Variants in LGI1 observed in about 807,000 individuals in gnomAD.
LGI1 encodes the protein leucine rich glioma inactivated 1.
Under a neutral mutation model 57.7 loss-of-function variants are expected in LGI1, and 11 were observed. The ratio of observed to expected loss-of-function variants is 0.19; its 90% confidence interval spans 0.12 to 0.32. The LOEUF is 0.32. Among genes scored for constraint, LGI1 ranks in the 10% least tolerant of loss-of-function variants. The probability of loss-of-function intolerance (pLI) is 1.00; values close to 1 mark genes in which losing one functional copy is unlikely to be tolerated. For missense variants in LGI1, 422 were observed against 661.9 expected (o/e 0.64, Z 3.98); for synonymous variants, 222 against 241.9 (o/e 0.92, Z 0.76).
At chr10:93,788,861 TTTA>T (rs2059911323) in intron 4 of LGI1, 1 of 152,192 alleles carries the variant, frequency 6.6e-6, no homozygotes, top group African/African-American at 2.4e-5. Flanking sequence ...TTTTCAAGGG[TTTA>T]GAGGCTAATG....
chr10:93,789,764 C>T lies in LGI1; in HGVS notation c.432-335C>T, dbSNP rs73314769. 1.4e-3 allele frequency: 345 copies of T among 244,138 alleles called. 1 individual carries two copies. Among genetic ancestry groups the T allele is most frequent in the African/African-American group, 7.1e-3 (313 of 44,088 alleles). 15.1% of individuals were successfully genotyped at this position (244,138 alleles called of 1,614,324 possible). On this transcript the variant is annotated intron_variant, in intron 4 of 7. Transcript: ENST00000371418. The stretch of plus-strand genomic sequence containing the variant: ...TGGCGGGCACATGTAATCCCAGCTA[C>T]GGCAGGCTAAGGCAGGAAAATCACT...
At chr10:93,773,888 C>T (rs981111285) in intron 2 of LGI1, among the ~76,000 whole-genome samples, 4 of 152,308 alleles carry the variant, frequency 2.6e-5, no homozygotes, top group East Asian at 1.9e-4. Flanking sequence ...CACAAACCCA[C>T]GGGCTGGCTG....
chr10:93,792,858 A>G lies in LGI1; in HGVS notation c.619A>G (p.Lys207Glu). ...CTACTGCGAAGGCCCCCCAGAATAC[A>G]AGAAGCGCAAAATCAATAGTCTCTC... ...DIYCEGPPEYKKRKINSLSSK... is the reference protein window; with the variant it reads ...DIYCEGPPEYEKRKINSLSSK... The change falls in exon 6 of 8, where the codon AAG becomes GAG. Residue 207 changes from lysine (K) to glutamate (E), a missense_variant. Transcript: ENST00000371418. 6.2e-7 allele frequency: 1 copy of G among 1,614,154 alleles called. No homozygotes were observed. The highest frequency in any genetic ancestry group is 8.5e-7 in the Non-Finnish European group (1 of 1,180,012).
At position 93,765,902 on chromosome 10, in the gene LGI1, G is replaced by A. The variant is rs548146328; in HGVS notation, c.287+7071G>A. On this transcript the variant is annotated intron_variant, in intron 2 of 7. Coordinates refer to ENST00000371418, the MANE Select transcript of LGI1 (RefSeq NM_005097.4). ...GGAGAATGGCGTGAACCCAGGAGGC[G>A]GAGCTTGCAGTGAGCCGAGATCGCG... is the stretch of plus-strand genomic sequence containing the variant. Among the ~76,000 whole-genome samples, 620 of 150,996 alleles carry A rather than the reference G, an allele frequency of 4.1e-3. 4 individuals carry two copies. The highest frequency in any genetic ancestry group is 0.014 in the African/African-American group (591 of 41,030).
At chr10:93,783,692 C>A (rs2059869985) in intron 4 of LGI1, among the ~76,000 whole-genome samples, 1 of 152,202 alleles carries the variant, frequency 6.6e-6, no homozygotes, top group Non-Finnish European at 1.5e-5. Flanking sequence ...TCTACTCCAG[C>A]CTGCCTCATT....
At position 93,759,024 on chromosome 10, in the gene LGI1, A is replaced by G. The variant is rs138096571; in HGVS notation, c.287+193A>G. On this transcript the variant is annotated intron_variant, in intron 2 of 7. Coordinates refer to ENST00000371418, the MANE Select transcript of LGI1 (RefSeq NM_005097.4). Reference sequence around the variant, plus strand: ...AGTGCAGGTTGATTCTTACAATGGTAAATCTGTTAACCTGTCATGCTGTCT... The same window carrying G: ...AGTGCAGGTTGATTCTTACAATGGTGAATCTGTTAACCTGTCATGCTGTCT... 9.3e-3 allele frequency: 5,609 copies of G among 602,334 alleles called. 34 individuals are homozygous for G. Among genetic ancestry groups the G allele is most frequent in the Middle Eastern group, 0.013 (30 of 2,236 alleles). The allele number at this position is 602,334 out of a possible 1,614,324, so 37.3% of individuals were successfully genotyped here. A position where few individuals can be genotyped will look rare whatever the true frequency, so the allele number is the denominator to read the frequency against.
At chr10:93,777,691 A>G in intron 4 of LGI1, 74 bp downstream of exon 4, 1 of 1,172,108 alleles carries the variant, frequency 8.5e-7, no homozygotes, top group Non-Finnish European at 1.3e-6. Context: ...TGGTTAATGC[A>G]CCTACTTTAT....
chr10:93,792,657 C>A, intron 5 of LGI1, 86 bp from the exon 6 acceptor site: 1 of 1,378,252 alleles, frequency 7.3e-7, no homozygotes, highest in Non-Finnish European at 1.0e-6. Context: ...TAAGGTCATT[C>A]TGCACATGTT....
intron 7 of LGI1, chr10:93,794,019 C>CTTTTTTTTTTTTTTTTTTTTTTTTTTT (rs5787082): frequency 4.6e-5 from 4 of 87,830 alleles, no homozygotes; most frequent in Non-Finnish European, 4.6e-5. Context: ...CTTTTTTTTT[C>CTTTTTTTTTTTTTTTTTTTTTTTTTTT]TTTTTTTTTT....
intron 2 of LGI1, among the ~76,000 whole-genome samples, chr10:93,761,623 G>T (rs969726505): frequency 6.6e-6 from 1 of 152,080 alleles, no homozygotes; most frequent in Non-Finnish European, 1.5e-5. Context: ...GCAGTGTTTG[G>T]GAAAAGATCC....
intron 4 of LGI1, among the ~76,000 whole-genome samples, chr10:93,787,225 A>G (rs547245734): frequency 6.6e-6 from 1 of 152,276 alleles, no homozygotes; most frequent in South Asian, 2.1e-4. Flanking sequence ...CAAGGATTTC[A>G]TTGAATTTTT....
chr10:93,764,812 A>G (rs2133982999), intron 2 of LGI1: 1 of 152,328 alleles, frequency 6.6e-6, no homozygotes, highest in Non-Finnish European at 1.5e-5. Context: ...GTATCTGAAA[A>G]TCACTTTAAT....
At chr10:93,792,709 T>C (rs1006504365) in intron 5 of LGI1, 34 bp from the exon 6 acceptor site, 2 of 1,611,008 alleles carry the variant, frequency 1.2e-6, no homozygotes, top group African/African-American at 1.3e-5. Context: ...GTAGGGCCCT[T>C]GTACAGCAAA....
At position 93,797,177 on chromosome 10, in the gene LGI1, G is replaced by A; in HGVS notation, c.1048G>A (p.Asp350Asn). ...AAACAACTGGTACTTTGTTGTTGCT[G>A]ACAGTTCAAAAGCTGGTTTTACTAC... is the stretch of plus-strand genomic sequence containing the variant. ...IENNWYFVVA[D>N]SSKAGFTTIY... Residue 350 changes from aspartate to asparagine, a missense_variant, in exon 8 of 8, where the codon GAC becomes AAC. By Grantham distance (23) the Asp-to-Asn change is conservative. This residue lies in a region of LGI1 where 301 missense variants were observed against 461.7 expected (regional missense o/e 0.65). Coordinates refer to ENST00000371418, the MANE Select transcript of LGI1 (RefSeq NM_005097.4). This position sits in a 1 kb window ranked among gnomAD's most constrained non-coding sequence, Gnocchi z 6.5. The A allele has an allele frequency of 6.2e-7, 1 of 1,614,168 alleles. No homozygotes were observed. Among genetic ancestry groups the A allele is most frequent in the Non-Finnish European group, 8.5e-7 (1 of 1,180,022 alleles).
At chr10:93,762,873 A>T (rs904170166) in intron 2 of LGI1, 1 of 152,152 alleles carries the variant, frequency 6.6e-6, no homozygotes, top group African/African-American at 2.4e-5. Flanking sequence ...ACTCACCACA[A>T]TTGTTTTCTC....
intron 2 of LGI1, chr10:93,763,506 T>C (rs1234462433): frequency 6.6e-6 from 1 of 152,238 alleles, no homozygotes; most frequent in African/African-American, 2.4e-5. Flanking sequence ...TTCCCATGTA[T>C]TTGTTGAATC....
At chr10:93,780,939 A>AAGCCAC (rs2059841668) in intron 4 of LGI1, among the ~76,000 whole-genome samples, 1 of 152,206 alleles carries the variant, frequency 6.6e-6, no homozygotes, top group African/African-American at 2.4e-5. Context: ...CCTAACATTA[A>AAGCCAC]AGCCACTCCC....
chr10:93,761,015 C>A lies in LGI1; in HGVS notation c.287+2184C>A, dbSNP rs1317171322. On this transcript the variant is annotated intron_variant, in intron 2 of 7. Transcript: ENST00000371418. ...GGACCCTGTGCCTGAAGACTCTGCTCTCCATCCTTCTTGCCCAATATTCTC... is the reference window on the plus strand; with the variant it reads ...GGACCCTGTGCCTGAAGACTCTGCTATCCATCCTTCTTGCCCAATATTCTC... Among the ~76,000 whole-genome samples the A allele has an allele frequency of 2.0e-5, 3 of 152,198 alleles. No individual in the cohort carries two copies. In the East Asian group the frequency reaches 5.8e-4, roughly 29 times the overall value.
chr10:93,784,844 C>T (rs184305576), intron 4 of LGI1, among the ~76,000 whole-genome samples: 3 of 152,236 alleles, frequency 2.0e-5, no homozygotes, highest in African/African-American at 7.2e-5. Context: ...TCATGACACT[C>T]TAGAGGAAAG....
Sources: allele counts gnomAD v4.1 joint callset (sites outside exome capture counted in the v4.1 genomes callset), GRCh38; gene constraint gnomAD v4.1.1; regional missense constraint gnomAD v4.1.1; non-coding constraint Gnocchi (gnomAD v3.1); transcripts MANE v1.5; gene names NCBI Gene and HGNC (gene_info 2026-07-23, HGNC 2026-07-21).